The following LEMD3 variants were observed in gnomAD, a reference collection of about 807,000 sequenced individuals.
LEMD3 encodes the protein LEM domain containing 3, also known as inner nuclear membrane protein Man1.
LEMD3 carries 33 observed loss-of-function variants against 95.2 expected under a neutral mutation model. The ratio of observed to expected loss-of-function variants is 0.35; its 90% CI spans 0.26 to 0.46. LEMD3 has a LOEUF of 0.46. Among genes scored for constraint, LEMD3 ranks in the 20% least tolerant of loss-of-function variants. LEMD3 has a pLI of 1.00. For missense variants in LEMD3, 1,210 were observed against 1,192.8 expected (o/e 1.01, Z -0.21); for synonymous variants, 525 against 474.6 (o/e 1.11, Z -1.38).
At chr12:65,219,377 T>C (rs1368222419) in intron 4 of LEMD3, among the ~76,000 whole-genome samples, 2 of 152,228 alleles carry the variant, frequency 1.3e-5, no homozygotes, top group Non-Finnish European at 2.9e-5. Context: ...TTCTGATTTC[T>C]CAGAAGTGGA....
intron 1 of LEMD3, among the ~76,000 whole-genome samples, chr12:65,183,506 T>G (rs1592432419): frequency 6.6e-6 from 1 of 152,312 alleles, no homozygotes; most frequent in Middle Eastern, 3.4e-3. Flanking sequence ...CTCTATAATA[T>G]TTTCAGAAGA....
intron 2 of LEMD3, among the ~76,000 whole-genome samples, chr12:65,213,471 C>T (rs187434122): frequency 1.2e-4 from 19 of 152,312 alleles, no homozygotes; most frequent in Non-Finnish European, 2.6e-4. Context: ...AAGCAATTCT[C>T]CTGGCTCAGC....
chr12:65,212,056 C>T (rs1024702185), intron 2 of LEMD3, among the ~76,000 whole-genome samples: 7 of 152,202 alleles, frequency 4.6e-5, no homozygotes, highest in South Asian at 4.1e-4. Context: ...ACTCACAGTT[C>T]GGCTGGGGAG....
At position 65,218,633 on chromosome 12, in the gene LEMD3, T is replaced by A; in HGVS notation, c.1695+14T>A. 1.3e-6 allele frequency: 2 copies of A among 1,531,124 alleles called. No homozygotes were observed. Among genetic ancestry groups the A allele is most frequent in the Non-Finnish European group, 1.8e-6 (2 of 1,113,712 alleles). The allele number at this position is 1,531,124 out of a possible 1,614,324, so 94.8% of individuals were successfully genotyped here. A position where few individuals can be genotyped will look rare whatever the true frequency, so the allele number is the denominator to read the frequency against. ...GCGTATTTAAAAGTAAGCAATGAAA[T>A]TAGAATTTTAATAGCTATATTTTAA... On this transcript the variant is annotated intron_variant, in intron 4 of 12. Coordinates refer to ENST00000308330, the MANE Select transcript of LEMD3 (RefSeq NM_014319.5).
chr12:65,203,350 T>C (rs1869662863), intron 1 of LEMD3, among the ~76,000 whole-genome samples: 1 of 152,154 alleles, frequency 6.6e-6, no homozygotes, highest in African/African-American at 2.4e-5. Flanking sequence ...TTTTGGTACA[T>C]TTTGTTTTCA....
rs553396168 is a variant in LEMD3, at chr12:65,174,505, A to G, written c.1522+3387A>G. On this transcript the variant is annotated intron_variant, in intron 1 of 12. Transcript: ENST00000308330. ...ATTACAAAAGACATGACTTCTGCAGAAAGTTTGAATAGAGATGAAGGAAAC... is the reference window on the plus strand; with the variant it reads ...ATTACAAAAGACATGACTTCTGCAGGAAGTTTGAATAGAGATGAAGGAAAC... 4.6e-5 allele frequency among the ~76,000 whole-genome samples: 7 copies of G among 152,252 alleles called. No homozygotes were observed. The South Asian group carries it at 1.5e-3, about 32-fold the overall frequency.
At chr12:65,213,478 C>G (rs1409786880) in intron 2 of LEMD3, among the ~76,000 whole-genome samples, 4 of 152,198 alleles carry the variant, frequency 2.6e-5, no homozygotes, top group Non-Finnish European at 4.4e-5. Context: ...TCTCCTGGCT[C>G]AGCCTCCCAA....
chr12:65,214,306 T>C (rs1870036057), intron 2 of LEMD3, among the ~76,000 whole-genome samples: 1 of 152,176 alleles, frequency 6.6e-6, no homozygotes, highest in East Asian at 1.9e-4. Context: ...ACTGTTACTT[T>C]TTGATGTCTA....
chr12:65,179,953 TA>T (rs1868848678), intron 1 of LEMD3, among the ~76,000 whole-genome samples: 1 of 152,324 alleles, frequency 6.6e-6, no homozygotes, highest in East Asian at 1.9e-4. Context: ...ATTTATTTTT[TA>T]TTTTTTTGGA....
At chr12:65,234,326 T>C (rs1287721224) in intron 4 of LEMD3, among the ~76,000 whole-genome samples, 1 of 152,202 alleles carries the variant, frequency 6.6e-6, no homozygotes, top group Non-Finnish European at 1.5e-5. Context: ...ACCCCTGCCG[T>C]GCCCACAGCT....
intron 4 of LEMD3, among the ~76,000 whole-genome samples, chr12:65,225,190 G>A (rs1021075719): frequency 6.6e-6 from 1 of 152,040 alleles, no homozygotes; most frequent in Non-Finnish European, 1.5e-5. Flanking sequence ...TCTTTGTCAT[G>A]TAATTCTTAG....
At chr12:65,180,236 G>A (rs567908969) in intron 1 of LEMD3, among the ~76,000 whole-genome samples, 1 of 151,996 alleles carries the variant, frequency 6.6e-6, no homozygotes, top group South Asian at 2.1e-4. Context: ...GTGCGCCACC[G>A]TGCCCTGCCC....
chr12:65,238,796 T>A lies in LEMD3; in HGVS notation c.1903T>A (p.Leu635Ile). Residue 635 changes from leucine (L) to isoleucine (I), a missense_variant, in exon 6 of 13, where the codon TTA becomes ATA. Coordinates refer to ENST00000308330, the MANE Select transcript of LEMD3 (RefSeq NM_014319.5). The stretch of plus-strand genomic sequence containing the variant: ...TGCTTTTGTTACTGTAACTCACAGA[T>A]TATTGTTGTTATGCTTAGGTAAGTT... ...RRAFVTVTHR[L>I]LLLCLGVVMV... 1 of 1,614,072 alleles carries A rather than the reference T, an allele frequency of 6.2e-7. No individual in the cohort carries two copies. Among genetic ancestry groups the A allele is most frequent in the Non-Finnish European group, 8.5e-7 (1 of 1,179,968 alleles).
intron 1 of LEMD3, among the ~76,000 whole-genome samples, chr12:65,195,529 C>G (rs114491276): frequency 0.012 from 1,860 of 152,180 alleles, 53 homozygotes; most frequent in African/African-American, 0.043. Flanking sequence ...TTTTCCTCTT[C>G]TGATGAGTCA....
chr12:65,206,132 C>T (rs1251022003), intron 1 of LEMD3, among the ~76,000 whole-genome samples: 1 of 152,088 alleles, frequency 6.6e-6, no homozygotes, highest in Non-Finnish European at 1.5e-5. Context: ...AAACATTCCC[C>T]CTCACCCACA....
Position 65,216,002 on chromosome 12 carries a change from A to G in LEMD3, c.1586A>G (p.Asn529Ser), listed in dbSNP as rs151256200. 66 of 1,576,490 alleles carry G rather than the reference A, an allele frequency of 4.2e-5. No individual in the cohort carries two copies. Among genetic ancestry groups the G allele is most frequent in the Non-Finnish European group, 5.5e-5 (64 of 1,153,580 alleles). ...GAAAGTGAAAAAACTCTTATGATGA[A>G]CACATTATATAAGCTTCATGATCGA... ...IQESEKTLMMNTLYKLHDRLA... is the reference protein window; with the variant it reads ...IQESEKTLMMSTLYKLHDRLA... The change falls in exon 3 of 13, where the codon AAC becomes AGC. Residue 529 changes from asparagine (N) to serine (S), a missense_variant. Asn to Ser is a conservative substitution (Grantham distance 46). Around this residue, in one of 2 missense-constraint regions of LEMD3, gnomAD observed 461 missense variants for 569.8 expected, o/e 0.81. Transcript: ENST00000308330.
At chr12:65,177,713 T>C (rs1016669145) in intron 1 of LEMD3, among the ~76,000 whole-genome samples, 1 of 152,170 alleles carries the variant, frequency 6.6e-6, no homozygotes, top group African/African-American at 2.4e-5. Context: ...AAGTAACATG[T>C]TTTAATGTCA....
In LEMD3 at chr12:65,169,749, G is replaced by A. The variant is rs1467460352; in HGVS notation, c.153G>A (p.Gln51=). 12 of 1,592,888 alleles carry A rather than the reference G, an allele frequency of 7.5e-6. No homozygotes were observed. Among genetic ancestry groups the A allele is most frequent in the Non-Finnish European group, 1.0e-5 (12 of 1,169,716 alleles). The part of the protein sequence containing the change: ...KKLKKLREEE[Q]QQHRSGGRGN... Reference sequence around the variant, plus strand: ...TGAAGAAGCTTCGAGAGGAAGAGCAGCAACAGCACCGGTCAGGGGGCCGCG... The same window carrying A: ...TGAAGAAGCTTCGAGAGGAAGAGCAACAACAGCACCGGTCAGGGGGCCGCG... The change falls in exon 1 of 13, where the codon CAG becomes CAA. Residue 51 remains glutamine, a synonymous_variant. Transcript: ENST00000308330.
intron 4 of LEMD3, among the ~76,000 whole-genome samples, chr12:65,221,444 A>T (rs2136342926): frequency 6.6e-6 from 1 of 151,986 alleles, no homozygotes. Flanking sequence ...GCTGGTCTCA[A>T]ACTCCTGGGC....
Sources: allele counts gnomAD v4.1 joint callset (sites outside exome capture counted in the v4.1 genomes callset), GRCh38; gene constraint gnomAD v4.1.1; regional missense constraint gnomAD v4.1.1; transcripts MANE v1.5; gene names NCBI Gene and HGNC (gene_info 2026-07-23, HGNC 2026-07-21).